The following ALDH1A2 variants were observed in gnomAD, a reference collection of about 807,000 sequenced individuals.
ALDH1A2 encodes retinal dehydrogenase 2.
ALDH1A2 carries 27 observed loss-of-function variants against 60.3 expected under a neutral mutation model. That is an observed-to-expected ratio of 0.45 (90% CI 0.33 to 0.62). The LOEUF is 0.62. ALDH1A2 is among the 20% of genes least tolerant of loss of function. The pLI, the probability that ALDH1A2 is intolerant of heterozygous loss-of-function variation, is 0.02. For synonymous variants in ALDH1A2, 289 were observed against 232.4 expected, an observed-to-expected ratio of 1.24 and a Z score of -2.21; for missense variants, 581 against 643.8, an observed-to-expected ratio of 0.90 and a Z score of 1.06.
At chr15:57,957,498 A>G (rs1226744028) in intron 12 of ALDH1A2, among the ~76,000 whole-genome samples, 9 of 152,176 alleles carry the variant, frequency 5.9e-5, no homozygotes, top group African/African-American at 2.2e-4. Context: ...TTTCTGTCGC[A>G]TATTTATTTA....
At chr15:57,987,140 G>A (rs146346181) in intron 7 of ALDH1A2, among the ~76,000 whole-genome samples, 19 of 152,142 alleles carry the variant, frequency 1.2e-4, no homozygotes, top group Admixed American at 4.6e-4. Context: ...TTACCTAGCC[G>A]GAAGCACAAA....
intron 7 of ALDH1A2, among the ~76,000 whole-genome samples, chr15:57,973,980 C>G (rs1894155187): frequency 1.3e-5 from 2 of 152,154 alleles, no homozygotes; most frequent in South Asian, 4.1e-4. Flanking sequence ...TCTCTCAGTT[C>G]CCTATTGAAT....
chr15:57,992,625 G>C lies in ALDH1A2; in HGVS notation c.798+80C>G, dbSNP rs568338188. ...CTGCCCTTTTGGTGTCTAGCCTATG[G>C]GTACTAGTTTTATTGTTTTTGTAAC... On this transcript the variant is annotated intron_variant, in intron 7 of 12. Coordinates refer to ENST00000249750, the MANE Select transcript of ALDH1A2 (RefSeq NM_003888.4). 343 of 1,300,266 alleles carry C rather than the reference G, an allele frequency of 2.6e-4. 1 individual carries two copies. Among genetic ancestry groups the C allele is most frequent in the Non-Finnish European group, 3.5e-4 (318 of 898,448 alleles). 80.5% of individuals were successfully genotyped at this position (1,300,266 alleles called of 1,614,324 possible).
chr15:57,975,421 C>G (rs573693111), intron 7 of ALDH1A2, among the ~76,000 whole-genome samples: 88 of 152,262 alleles, frequency 5.8e-4, no homozygotes, highest in African/African-American at 2.0e-3. Context: ...ATGTGTAGAA[C>G]CAGAAGTGTT....
At chr15:57,962,748 T>C (rs1293787816) in intron 9 of ALDH1A2, among the ~76,000 whole-genome samples, 1 of 152,074 alleles carries the variant, frequency 6.6e-6, no homozygotes, top group African/African-American at 2.4e-5. Flanking sequence ...CTGACGGAGT[T>C]ATCATTTGCT....
intron 5 of ALDH1A2, among the ~76,000 whole-genome samples, chr15:57,994,040 C>T (rs1476218089): frequency 1.3e-5 from 2 of 152,136 alleles, no homozygotes; most frequent in Non-Finnish European, 1.5e-5. Flanking sequence ...TCTTAAAGTG[C>T]AGTAATTGAG....
chr15:58,014,430 C>A (rs182345169), intron 1 of ALDH1A2, 149 bp from the exon 2 acceptor site: 1 of 726,344 alleles, frequency 1.4e-6, no homozygotes, highest in East Asian at 2.8e-5. Context: ...CTTCTAGACT[C>A]AACGCCAATT....
chr15:58,037,858 T>C (rs1484295468), intron 1 of ALDH1A2, among the ~76,000 whole-genome samples: 2 of 151,746 alleles, frequency 1.3e-5, no homozygotes, highest in Non-Finnish European at 3.0e-5. Flanking sequence ...CTAGACAATG[T>C]ATAAAAAGGA....
chr15:57,954,728 C>T lies in ALDH1A2; in HGVS notation c.*469G>A, dbSNP rs369448208. Reference sequence around the variant, plus strand: ...GGCTTTACAACCTTGAAAAATTGTTCCCGGCCCAAACATCTGCCCCAGAAT... The same window carrying T: ...GGCTTTACAACCTTGAAAAATTGTTTCCGGCCCAAACATCTGCCCCAGAAT... On this transcript the variant is annotated 3_prime_UTR_variant, in exon 13 of 13. Coordinates refer to ENST00000249750, the MANE Select transcript of ALDH1A2 (RefSeq NM_003888.4). 1.0e-4 allele frequency: 19 copies of T among 188,812 alleles called. No homozygotes were observed. The highest frequency in any genetic ancestry group is 5.3e-4 in the Admixed American group (10 of 18,934). 11.7% of individuals were successfully genotyped at this position (188,812 alleles called of 1,614,324 possible). A position where few individuals can be genotyped will look rare whatever the true frequency, so the allele number is the denominator to read the frequency against.
At chr15:57,995,008 A>G in intron 5 of ALDH1A2, 70 bp downstream of exon 5, 1 of 1,404,824 alleles carries the variant, frequency 7.1e-7, no homozygotes, top group Non-Finnish European at 1.0e-6. Flanking sequence ...GCTGAGGACC[A>G]TGTTTTATGT....
chr15:57,996,302 T>C (rs1191596391), intron 4 of ALDH1A2, among the ~76,000 whole-genome samples: 3 of 149,984 alleles, frequency 2.0e-5, no homozygotes, highest in African/African-American at 7.4e-5. Context: ...TCTTGGCCTC[T>C]CTCTCTCTCT....
chr15:58,063,910 G>C (rs1344002788), intron 1 of ALDH1A2, among the ~76,000 whole-genome samples: 2 of 152,120 alleles, frequency 1.3e-5, no homozygotes, highest in Admixed American at 6.5e-5. Flanking sequence ...TTTCCTACTG[G>C]GGGAGAACAA....
At chr15:57,993,481 G>A (rs1309129218) in intron 5 of ALDH1A2, among the ~76,000 whole-genome samples, 1 of 152,034 alleles carries the variant, frequency 6.6e-6, no homozygotes, top group African/African-American at 2.4e-5. Flanking sequence ...TCTTCAACAT[G>A]GAAAAACTAG....
chr15:57,962,508 C>G (rs572566445), intron 9 of ALDH1A2, among the ~76,000 whole-genome samples: 2 of 152,252 alleles, frequency 1.3e-5, no homozygotes, highest in African/African-American at 4.8e-5. Flanking sequence ...GGAAAATTGA[C>G]TTTTATAATT....
intron 1 of ALDH1A2, among the ~76,000 whole-genome samples, chr15:58,054,034 A>G (rs1266673193): frequency 6.6e-6 from 1 of 152,180 alleles, no homozygotes; most frequent in Non-Finnish European, 1.5e-5. Flanking sequence ...CCAGAAGTCA[A>G]ATGTGGTTAT....
At chr15:58,033,032 G>A (rs543635668) in intron 1 of ALDH1A2, among the ~76,000 whole-genome samples, 1 of 151,966 alleles carries the variant, frequency 6.6e-6, no homozygotes, top group Non-Finnish European at 1.5e-5. Flanking sequence ...GGGGGTGAAG[G>A]GAGAGGATGA....
intron 4 of ALDH1A2, among the ~76,000 whole-genome samples, chr15:58,006,881 C>G (rs1233013856): frequency 6.8e-6 from 1 of 148,118 alleles, no homozygotes; most frequent in Non-Finnish European, 1.5e-5. Context: ...AAAAAAGTGT[C>G]CTTTTTTGTG....
intron 1 of ALDH1A2, among the ~76,000 whole-genome samples, chr15:58,053,718 A>G (rs1235544016): frequency 1.3e-5 from 2 of 152,124 alleles, no homozygotes; most frequent in African/African-American, 4.8e-5. Context: ...GGCAAACCTC[A>G]TTAGTCTCCC....
At chr15:58,055,563 T>A (rs1314052918) in intron 1 of ALDH1A2, among the ~76,000 whole-genome samples, 1 of 152,034 alleles carries the variant, frequency 6.6e-6, no homozygotes, top group Non-Finnish European at 1.5e-5. Flanking sequence ...GAATATACAT[T>A]CATTATCAAA....
Sources: allele counts gnomAD v4.1 joint callset (sites outside exome capture counted in the v4.1 genomes callset), GRCh38; gene constraint gnomAD v4.1.1; transcripts MANE v1.5; gene names NCBI Gene and HGNC (gene_info 2026-07-23, HGNC 2026-07-21).